Variants in TMEM232 observed in about 807,000 individuals in gnomAD.
TMEM232 encodes the protein transmembrane protein 232.
TMEM232 carries 80 observed loss-of-function variants against 78.8 expected under a neutral mutation model. That is an observed-to-expected ratio of 1.01 (90% CI 0.85 to 1.22). TMEM232 has a LOEUF of 1.22. Among genes scored for constraint, TMEM232 ranks in the 50% most tolerant of loss-of-function variants. TMEM232 has a pLI of 0.00. For synonymous variants in TMEM232, 297 were observed against 254.3 expected (o/e 1.17, Z -1.60); for missense variants, 881 against 742.2 (o/e 1.19, Z -2.17).
At chr5:110,597,204 A>G (rs1008127415) in intron 10 of TMEM232, among the ~76,000 whole-genome samples, 1 of 152,170 alleles carries the variant, frequency 6.6e-6, no homozygotes, top group East Asian at 1.9e-4. Flanking sequence ...AATCACAAGC[A>G]TTCTTATACA....
chr5:110,667,336 T>A lies in TMEM232; in HGVS notation c.17A>T (p.Asn6Ile). Residue 6 changes from asparagine to isoleucine, a missense_variant, in exon 2 of 14, where the codon AAC becomes ATC. Transcript: ENST00000455884. MNMPVNKSPMINTCGG... is the reference protein window; with the variant it reads MNMPVIKSPMINTCGG... ...ACATGTATTAATCATAGGTGATTTG[T>A]TAACAGGCATATTCATAAATCATAA... is the stretch of plus-strand genomic sequence containing the variant. 1.3e-6 allele frequency: 2 copies of A among 1,521,748 alleles called. No homozygotes were observed. The highest frequency in any genetic ancestry group is 1.8e-6 in the Non-Finnish European group (2 of 1,129,596). The allele number at this position is 1,521,748 out of a possible 1,614,324, so 94.3% of individuals were successfully genotyped here. A position where few individuals can be genotyped will look rare whatever the true frequency, so the allele number is the denominator to read the frequency against.
chr5:110,657,644 T>G (rs1789263688), intron 2 of TMEM232, among the ~76,000 whole-genome samples: 1 of 152,068 alleles, frequency 6.6e-6, no homozygotes, highest in African/African-American at 2.4e-5. Flanking sequence ...GGGTACAAAG[T>G]TACAGTTAAG....
intron 10 of TMEM232, among the ~76,000 whole-genome samples, chr5:110,572,318 G>A (rs375971019): frequency 2.0e-5 from 3 of 151,926 alleles, no homozygotes; most frequent in Admixed American, 2.0e-4. Context: ...GCTGATTTGT[G>A]GGTCATTAGC....
rs192164643 is a variant in TMEM232, at chr5:110,421,476, G to A, written c.1798-720C>T. On this transcript the variant is annotated intron_variant, in intron 13 of 13. Transcript: ENST00000455884. ...TTCTCTTCTAATACATTTGATGAAG[G>A]AAATGATAAAAACAGATGGTGAACA... Among the ~76,000 whole-genome samples the A allele has an allele frequency of 4.2e-3, 637 of 151,754 alleles. 2 individuals are homozygous for A. The highest frequency in any genetic ancestry group is 0.015 in the African/African-American group (614 of 41,424).
chr5:110,534,726 GTAAA>G (rs938162301), intron 11 of TMEM232, among the ~76,000 whole-genome samples: 2 of 152,278 alleles, frequency 1.3e-5, no homozygotes, highest in African/African-American at 2.4e-5. Flanking sequence ...AACTCTTAAA[GTAAA>G]TAAATAATCT....
At position 110,429,031 on chromosome 5, in the gene TMEM232, G is replaced by C. The variant is rs569883002; in HGVS notation, c.1704-4115C>G. ...AAGAGGAGCTGACTAATTTATTCAT[G>C]TATTCAAACATTTATTGCAAGGGGA... On this transcript the variant is annotated intron_variant, in intron 12 of 13. Transcript: ENST00000455884. Among the ~76,000 whole-genome samples the C allele has an allele frequency of 1.4e-4, 22 of 151,970 alleles. No individual in the cohort carries two copies. The South Asian group carries it at 4.6e-3, about 32-fold the overall frequency.
At chr5:110,719,036 T>TA (rs1247309488) in intron 1 of TMEM232, among the ~76,000 whole-genome samples, 1 of 152,042 alleles carries the variant, frequency 6.6e-6, no homozygotes, top group Non-Finnish European at 1.5e-5. Flanking sequence ...AGAGTCTACT[T>TA]ACACAAACCT....
Position 110,524,395 on chromosome 5 carries a change from G to GA in TMEM232, c.1703+4192dup, listed in dbSNP as rs1242249553. On this transcript the variant is annotated intron_variant, in intron 12 of 13. Coordinates refer to ENST00000455884, the MANE Select transcript of TMEM232 (RefSeq NM_001039763.4). ...AGAAAGAAAGAAAGAAAGAAAGAAA[G>GA]AAAGAAAGAAAGAAAGAAAGAAAAG... Among the ~76,000 whole-genome samples the GA allele has an allele frequency of 2.5e-3, 202 of 82,368 alleles. 1 individual carries two copies. Among genetic ancestry groups the GA allele is most frequent in the African/African-American group, 0.015 (193 of 13,116 alleles). 54.0% of individuals were successfully genotyped at this position (82,368 alleles called of 152,430 possible).
chr5:110,491,972 G>C (rs1765145731), intron 12 of TMEM232, among the ~76,000 whole-genome samples: 3 of 151,654 alleles, frequency 2.0e-5, no homozygotes, highest in African/African-American at 7.3e-5. Context: ...AAAAAATTAA[G>C]AAGCAATTTA....
intron 12 of TMEM232, among the ~76,000 whole-genome samples, chr5:110,514,648 A>C (rs1768333412): frequency 6.6e-6 from 1 of 152,174 alleles, no homozygotes; most frequent in Non-Finnish European, 1.5e-5. Flanking sequence ...ACATAGTCTG[A>C]AGGAGGCACA....
chr5:110,447,603 T>G (rs961296164), intron 12 of TMEM232, among the ~76,000 whole-genome samples: 2 of 152,100 alleles, frequency 1.3e-5, no homozygotes, highest in Non-Finnish European at 2.9e-5. Flanking sequence ...CTTTTAAAAA[T>G]TATTTGCTGC....
downstream of TMEM232, chr5:110,418,224 C>A (rs183751925): frequency 6.6e-6 from 1 of 152,088 alleles, no homozygotes; most frequent in Non-Finnish European, 1.5e-5. Context: ...GTTAAAATGA[C>A]TGACAGGTTT....
chr5:110,597,052 A>T (rs1469744550), intron 10 of TMEM232, among the ~76,000 whole-genome samples: 52 of 152,184 alleles, frequency 3.4e-4, no homozygotes, highest in Middle Eastern at 3.4e-3. Context: ...GGGTATTCAA[A>T]TAGGAAAAGA....
intron 12 of TMEM232, among the ~76,000 whole-genome samples, chr5:110,517,307 A>T (rs1396228415): frequency 6.6e-6 from 1 of 152,194 alleles, no homozygotes; most frequent in African/African-American, 2.4e-5. Context: ...CTAGCTATGG[A>T]ACTTTTCTTT....
chr5:110,644,684 C>A (rs1787225230), intron 2 of TMEM232, among the ~76,000 whole-genome samples: 1 of 151,352 alleles, frequency 6.6e-6, no homozygotes, highest in Non-Finnish European at 1.5e-5. Flanking sequence ...AAAAAAACAG[C>A]TTAACTTTAT....
chr5:110,706,035 C>T (rs1055603600), intron 1 of TMEM232, among the ~76,000 whole-genome samples: 1 of 151,940 alleles, frequency 6.6e-6, no homozygotes, highest in African/African-American at 2.4e-5. Flanking sequence ...TGGTGTAATA[C>T]TGGCTTCATA....
chr5:110,546,815 A>G (rs1316207554), intron 11 of TMEM232, among the ~76,000 whole-genome samples: 1 of 152,112 alleles, frequency 6.6e-6, no homozygotes, highest in African/African-American at 2.4e-5. Flanking sequence ...TTGTTCAAAG[A>G]GGTACTACAG....
At chr5:110,428,352 T>C (rs747333095) in intron 12 of TMEM232, among the ~76,000 whole-genome samples, 3 of 151,890 alleles carry the variant, frequency 2.0e-5, no homozygotes, top group Non-Finnish European at 4.4e-5. Flanking sequence ...TAGAAAACTT[T>C]CAATTGTAAA....
chr5:110,672,865 A>G (rs1035502057), intron 1 of TMEM232, among the ~76,000 whole-genome samples: 1 of 152,176 alleles, frequency 6.6e-6, no homozygotes, highest in Non-Finnish European at 1.5e-5. Context: ...GTACAATAAG[A>G]CCACATTGCA....
Sources: allele counts gnomAD v4.1 joint callset (sites outside exome capture counted in the v4.1 genomes callset), GRCh38; gene constraint gnomAD v4.1.1; transcripts MANE v1.5; gene names NCBI Gene and HGNC (gene_info 2026-07-23, HGNC 2026-07-21).